TRPC7: variants seen among roughly 807,000 people sequenced by gnomAD.
TRPC7 encodes transient receptor potential cation channel subfamily C member 7.
In TRPC7, 42 loss-of-function variants were observed where a neutral mutation model predicts 90.1. The ratio of observed to expected loss-of-function variants is 0.47; its 90% confidence interval spans 0.36 to 0.60. The LOEUF (loss-of-function observed/expected upper bound fraction) is 0.60. Among genes scored for constraint, TRPC7 ranks in the 20% least tolerant of loss-of-function variants. The pLI is 0.00. For synonymous variants in TRPC7, 451 were observed against 436.3 expected (o/e 1.03, Z -0.42); for missense variants, 955 against 1,112.3 (o/e 0.86, Z 2.01).
In TRPC7 at chr5:136,305,324, C is replaced by A. The variant is rs182087743; in HGVS notation, c.963+10273G>T. The stretch of plus-strand genomic sequence containing the variant: ...AGTTCCACCAGGCCTAATCGCCACA[C>A]ACCAGCAAAGGCAGGCTATGCTATA... On this transcript the variant is annotated intron_variant, in intron 3 of 11. Coordinates refer to ENST00000513104, the MANE Select transcript of TRPC7 (RefSeq NM_020389.3). 3.4e-3 allele frequency among the ~76,000 whole-genome samples: 515 copies of A among 152,300 alleles called. 1 individual carries two copies. The highest frequency in any genetic ancestry group is 0.011 in the African/African-American group (475 of 41,554).
At position 136,247,479 on chromosome 5, in the gene TRPC7, C is replaced by T. The variant is rs376783131; in HGVS notation, c.1836G>A (p.Ala612=). 57 of 1,611,368 alleles carry T rather than the reference C, an allele frequency of 3.5e-5. No individual in the cohort carries two copies. The highest frequency in any genetic ancestry group is 3.3e-4 in the Admixed American group (20 of 59,928). ...AGCTCTCAGATACTCACGTTGTAAA[C>T]GCTGGGTTGTATTTGGCACCTCGGT... ...SYYRGAKYNP[A]FTTVEESFKT... Residue 612 remains alanine (A), a synonymous_variant, in exon 7 of 12, where the codon GCG becomes GCA. Coordinates refer to ENST00000513104, the MANE Select transcript of TRPC7 (RefSeq NM_020389.3). This position sits in a 1 kb window ranked among gnomAD's most constrained non-coding sequence, Gnocchi z 4.2.
Position 136,365,452 on chromosome 5 carries a change from A to T in TRPC7, c.-198T>A. 2 of 592,682 alleles carry T rather than the reference A, an allele frequency of 3.4e-6. No individual in the cohort carries two copies. Among genetic ancestry groups the T allele is most frequent in the South Asian group, 2.2e-5 (1 of 45,010 alleles). 36.7% of individuals were successfully genotyped at this position (592,682 alleles called of 1,614,324 possible). On this transcript the variant is annotated 5_prime_UTR_variant, in exon 1 of 12. Coordinates refer to ENST00000513104, the MANE Select transcript of TRPC7 (RefSeq NM_020389.3). ...TGTTCTTTGTGTTGCAGTGGTAAAA[A>T]CTCGCCTTCCGAGGCAGAACCGTGT...
chr5:136,357,684 G>T (rs921743616), intron 1 of TRPC7, among the ~76,000 whole-genome samples: 1 of 152,134 alleles, frequency 6.6e-6, no homozygotes, highest in African/African-American at 2.4e-5. Flanking sequence ...AGGCTGGGGC[G>T]TAGGGTGGTG....
intron 2 of TRPC7, among the ~76,000 whole-genome samples, chr5:136,322,024 T>G (rs993191111): frequency 1.3e-5 from 2 of 152,152 alleles, no homozygotes; most frequent in Non-Finnish European, 2.9e-5. Flanking sequence ...ACAAGATTTT[T>G]TTTTTTTTAA....
intron 2 of TRPC7, among the ~76,000 whole-genome samples, chr5:136,337,257 T>C (rs1021608526): frequency 6.6e-6 from 1 of 152,192 alleles, no homozygotes; most frequent in Admixed American, 6.5e-5. Context: ...AAATTTGCAG[T>C]CTTAGAGGAG....
chr5:136,301,190 C>A (rs2149831235), intron 3 of TRPC7, among the ~76,000 whole-genome samples: 1 of 152,126 alleles, frequency 6.6e-6, no homozygotes, highest in South Asian at 2.1e-4. Flanking sequence ...CCATGCCCAG[C>A]TAATTTTTAT....
At chr5:136,297,749 C>T (rs1484760710) in intron 3 of TRPC7, among the ~76,000 whole-genome samples, 2 of 152,140 alleles carry the variant, frequency 1.3e-5, no homozygotes, top group Non-Finnish European at 2.9e-5. Context: ...TGAGTTTCCA[C>T]GGACTCAGTG....
chr5:136,346,546 A>G (rs1760012682), intron 2 of TRPC7, among the ~76,000 whole-genome samples: 1 of 152,068 alleles, frequency 6.6e-6, no homozygotes, highest in Non-Finnish European at 1.5e-5. Context: ...CATACAACAC[A>G]CACATGTACA....
In TRPC7 at chr5:136,356,592, T is replaced by C; in HGVS notation, c.780+16A>G. 1 of 1,520,376 alleles carries C rather than the reference T, an allele frequency of 6.6e-7. No homozygotes were observed. The highest frequency in any genetic ancestry group is 1.3e-5 in the South Asian group (1 of 75,490). 94.2% of individuals were successfully genotyped at this position (1,520,376 alleles called of 1,614,324 possible). A position where few individuals can be genotyped will look rare whatever the true frequency, so the allele number is the denominator to read the frequency against. ...CCTGGGCAACCTGCCTGCAGGGTGC[T>C]AAGTGGAAGAGTTACCTTAAATTCA... On this transcript the variant is annotated intron_variant, in intron 2 of 11. Transcript: ENST00000513104.
chr5:136,220,205 C>A (rs978437037), intron 10 of TRPC7, among the ~76,000 whole-genome samples: 2 of 152,144 alleles, frequency 1.3e-5, no homozygotes, highest in African/African-American at 4.8e-5. Flanking sequence ...TGAAAAAGAA[C>A]AGAATAACAG....
At chr5:136,360,720 A>T (rs1274694816) in intron 1 of TRPC7, among the ~76,000 whole-genome samples, 4 of 152,198 alleles carry the variant, frequency 2.6e-5, no homozygotes, top group African/African-American at 9.6e-5. Flanking sequence ...AGAGTCATGT[A>T]TGCATATAAG....
chr5:136,295,011 T>G (rs1221944567), intron 3 of TRPC7, among the ~76,000 whole-genome samples: 1 of 152,146 alleles, frequency 6.6e-6, no homozygotes, highest in African/African-American at 2.4e-5. Context: ...AGCTGGAAAC[T>G]ATCATTCTCA....
intron 8 of TRPC7, among the ~76,000 whole-genome samples, chr5:136,229,564 G>T (rs1392457922): frequency 2.0e-5 from 3 of 152,142 alleles, no homozygotes; most frequent in African/African-American, 7.2e-5. Flanking sequence ...TGGACTGGTG[G>T]CAAGGCTGTG....
chr5:136,357,928 C>A (rs1457405014), intron 1 of TRPC7, among the ~76,000 whole-genome samples: 1 of 152,206 alleles, frequency 6.6e-6, no homozygotes, highest in Admixed American at 6.5e-5. Context: ...TCTCCAAGGG[C>A]TGTGCCATAG....
At chr5:136,364,955 C>A (rs971533716) in intron 1 of TRPC7, among the ~76,000 whole-genome samples, 2 of 152,014 alleles carry the variant, frequency 1.3e-5, no homozygotes, top group Non-Finnish European at 2.9e-5. Flanking sequence ...AAAGAAGAGA[C>A]AACACCTATA....
intron 7 of TRPC7, among the ~76,000 whole-genome samples, chr5:136,245,540 A>C (rs115785309): frequency 0.032 from 4,846 of 152,212 alleles, 247 homozygotes; most frequent in African/African-American, 0.1. Flanking sequence ...AGGGGCAGGG[A>C]TCAGAGCCAT....
At chr5:136,226,980 C>A (rs1240653414) in intron 8 of TRPC7, among the ~76,000 whole-genome samples, 1 of 152,192 alleles carries the variant, frequency 6.6e-6, no homozygotes, top group Non-Finnish European at 1.5e-5. Context: ...CCACACTGGA[C>A]AGCACAGTAT....
chr5:136,273,427 A>G (rs535695277), intron 4 of TRPC7, among the ~76,000 whole-genome samples: 64 of 152,310 alleles, frequency 4.2e-4, no homozygotes, highest in African/African-American at 1.5e-3. Flanking sequence ...CAATAGATGT[A>G]AGGTTGAATA....
intron 8 of TRPC7, among the ~76,000 whole-genome samples, chr5:136,231,135 G>A (rs1211859262): frequency 1.3e-5 from 2 of 152,192 alleles, no homozygotes; most frequent in African/African-American, 2.4e-5. Context: ...AGTTCTTTCT[G>A]CTCTCGCTGG....
Sources: allele counts gnomAD v4.1 joint callset (sites outside exome capture counted in the v4.1 genomes callset), GRCh38; gene constraint gnomAD v4.1.1; non-coding constraint Gnocchi (gnomAD v3.1); transcripts MANE v1.5; gene names NCBI Gene and HGNC (gene_info 2026-07-23, HGNC 2026-07-21).